TRHDE: variants seen among roughly 807,000 people sequenced by gnomAD.
TRHDE encodes thyrotropin releasing hormone degrading enzyme, also known as thyrotropin-releasing hormone-degrading ectoenzyme.
A neutral mutation model predicts 125.7 loss-of-function variants in TRHDE; 72 were observed. That is an observed-to-expected ratio of 0.57 (90% CI 0.47 to 0.70). TRHDE has a LOEUF of 0.70. TRHDE is among the 30% of genes least tolerant of loss of function. The pLI is 0.00. For missense variants in TRHDE, 1,110 were observed against 1,327.1 expected, an observed-to-expected ratio of 0.84 and a Z score of 2.54; for synonymous variants, 509 against 509.1, an observed-to-expected ratio of 1.00 and a Z score of 0.00.
At chr12:72,597,762 T>TATATATAC (rs1555200904) in intron 12 of TRHDE, among the ~76,000 whole-genome samples, 8 of 80,644 alleles carry the variant, frequency 9.9e-5, no homozygotes, top group Non-Finnish European at 1.9e-4. Flanking sequence ...TATATATGCA[T>TATATATAC]ACACACACAA....
At chr12:72,130,195 GA>G (rs1875828871) in intron 2 of TRHDE, among the ~76,000 whole-genome samples, 2 of 152,154 alleles carry the variant, frequency 1.3e-5, no homozygotes, top group African/African-American at 4.8e-5. Flanking sequence ...AGCTACTCGG[GA>G]GGCTGAGGCT....
intron 2 of TRHDE, among the ~76,000 whole-genome samples, chr12:72,361,723 C>G (rs1178936233): frequency 6.9e-6 from 1 of 144,840 alleles, no homozygotes; most frequent in Non-Finnish European, 1.5e-5. Flanking sequence ...TCCCCCCACC[C>G]CACAACAGTC....
At chr12:72,655,446 G>A (rs1874670963) in intron 17 of TRHDE, among the ~76,000 whole-genome samples, 1 of 151,894 alleles carries the variant, frequency 6.6e-6, no homozygotes, top group East Asian at 1.9e-4. Flanking sequence ...CTTTTTCTTT[G>A]TTTATGTTCA....
At chr12:72,464,164 T>G (rs1377855817) in intron 3 of TRHDE, among the ~76,000 whole-genome samples, 2 of 152,182 alleles carry the variant, frequency 1.3e-5, no homozygotes, top group East Asian at 3.9e-4. Context: ...CTTAGATATT[T>G]TCATCTAGTG....
At chr12:72,401,110 G>T (rs957149409) in intron 3 of TRHDE, among the ~76,000 whole-genome samples, 15 of 152,130 alleles carry the variant, frequency 9.9e-5, no homozygotes, top group Non-Finnish European at 1.9e-4. Context: ...AAAAATGAGA[G>T]AATGATTTTT....
rs116818346 is a variant in TRHDE, at chr12:72,370,447, A to T, written c.1189-7548A>T. Among the ~76,000 whole-genome samples, 631 of 152,260 alleles carry T rather than the reference A, an allele frequency of 4.1e-3. 12 individuals are homozygous for T. Among genetic ancestry groups the T allele is most frequent in the African/African-American group, 0.014 (591 of 41,524 alleles). ...TGATCATGTCATTCTATGGCTTAAA[A>T]TCTTTAAGTGACTTGCTTGTGCCGA... is the stretch of plus-strand genomic sequence containing the variant. On this transcript the variant is annotated intron_variant, in intron 2 of 18. Transcript: ENST00000261180.
At chr12:72,235,041 AC>A (rs1184374267) in intron 2 of TRHDE, among the ~76,000 whole-genome samples, 2 of 152,212 alleles carry the variant, frequency 1.3e-5, no homozygotes, top group Non-Finnish European at 2.9e-5. Flanking sequence ...AGACAGTAAA[AC>A]AAAAATTCAA....
intron 2 of TRHDE, among the ~76,000 whole-genome samples, chr12:72,262,058 A>G (rs983294352): frequency 1.3e-5 from 2 of 152,196 alleles, no homozygotes; most frequent in African/African-American, 4.8e-5. Flanking sequence ...GCAGCTGTCC[A>G]TCCATCTGCA....
intron 2 of TRHDE, among the ~76,000 whole-genome samples, chr12:72,174,954 T>A (rs1003223288): frequency 1.3e-5 from 2 of 152,230 alleles, no homozygotes; most frequent in Non-Finnish European, 2.9e-5. Flanking sequence ...TTTTTAAAGT[T>A]TTAGTATGTA....
chr12:72,347,289 A>G (rs1269195464), intron 2 of TRHDE, among the ~76,000 whole-genome samples: 1 of 152,124 alleles, frequency 6.6e-6, no homozygotes, highest in East Asian at 1.9e-4. Flanking sequence ...TTGAATAATC[A>G]GATTTTGGGT....
chr12:72,108,627 T>C (rs986834042), intron 2 of TRHDE, among the ~76,000 whole-genome samples: 6 of 152,092 alleles, frequency 3.9e-5, no homozygotes, highest in Admixed American at 6.6e-5. Flanking sequence ...ATTATGGTAA[T>C]TGAAAACTTC....
At chr12:72,591,956 A>T (rs1871705038) in intron 12 of TRHDE, among the ~76,000 whole-genome samples, 2 of 151,816 alleles carry the variant, frequency 1.3e-5, no homozygotes, top group Admixed American at 1.3e-4. Flanking sequence ...ACTATGATAT[A>T]TGCATGCAAG....
At chr12:72,637,385 C>A (rs1343232788) in intron 15 of TRHDE, among the ~76,000 whole-genome samples, 2 of 152,036 alleles carry the variant, frequency 1.3e-5, no homozygotes, top group South Asian at 2.1e-4. Flanking sequence ...CTATTTGATT[C>A]TTTTCTCTTT....
Position 72,663,353 on chromosome 12 carries a change from G to C in TRHDE, c.*158G>C, listed in dbSNP as rs759644874. ...TTAGTTTTTATTTTTTGGTTTTGGG[G>C]GATATTTTTTATTTGTTTCATTCAT... On this transcript the variant is annotated 3_prime_UTR_variant, in exon 19 of 19. Coordinates refer to ENST00000261180, the MANE Select transcript of TRHDE (RefSeq NM_013381.3). The C allele has an allele frequency of 5.5e-5, 29 of 526,526 alleles. No individual in the cohort carries two copies. Among genetic ancestry groups the C allele is most frequent in the Non-Finnish European group, 8.6e-5 (27 of 314,974 alleles). 32.6% of individuals were successfully genotyped at this position (526,526 alleles called of 1,614,324 possible).
chr12:72,608,187 C>T (rs987014781), intron 12 of TRHDE, among the ~76,000 whole-genome samples: 9 of 152,102 alleles, frequency 5.9e-5, no homozygotes, highest in Non-Finnish European at 8.8e-5. Flanking sequence ...TACTCCCATG[C>T]GCCATATGCC....
chr12:72,229,855 A>G (rs1381644054), intron 2 of TRHDE, among the ~76,000 whole-genome samples: 1 of 152,226 alleles, frequency 6.6e-6, no homozygotes, highest in Non-Finnish European at 1.5e-5. Flanking sequence ...GTCTTTAAAG[A>G]TAATGAGAAC....
intron 2 of TRHDE, among the ~76,000 whole-genome samples, chr12:72,365,664 G>C (rs1329736751): frequency 6.6e-6 from 1 of 151,994 alleles, no homozygotes; most frequent in Admixed American, 6.6e-5. Context: ...AACACAAAAA[G>C]GAACACACAC....
chr12:72,636,642 G>T (rs1490639579), intron 15 of TRHDE, among the ~76,000 whole-genome samples: 3 of 152,146 alleles, frequency 2.0e-5, no homozygotes, highest in African/African-American at 4.8e-5. Context: ...CTATGGGTCT[G>T]TCATAGATAG....
intron 3 of TRHDE, among the ~76,000 whole-genome samples, chr12:72,468,498 A>G (rs1308140158): frequency 6.6e-6 from 1 of 152,250 alleles, no homozygotes; most frequent in East Asian, 1.9e-4. Context: ...ACCCAGGGTT[A>G]TATCAAGAAG....
Sources: allele counts gnomAD v4.1 joint callset (sites outside exome capture counted in the v4.1 genomes callset), GRCh38; gene constraint gnomAD v4.1.1; transcripts MANE v1.5; gene names NCBI Gene and HGNC (gene_info 2026-07-23, HGNC 2026-07-21).